SETD2: variants seen among roughly 807,000 people sequenced by gnomAD.
SETD2 encodes histone-lysine N-methyltransferase SETD2.
A neutral mutation model predicts 242.1 loss-of-function variants in SETD2; 31 were observed. The observed-to-expected ratio is 0.13, with a 90% CI of 0.10 to 0.17. SETD2 has a LOEUF of 0.17. Ranked by LOEUF, SETD2 falls within the 10% of genes least tolerant of loss-of-function variation. The pLI, the probability that SETD2 is intolerant of heterozygous loss-of-function variation, is 1.00. For synonymous variants in SETD2, 1,006 were observed against 1,066.5 expected (o/e 0.94, Z 1.11); for missense variants, 2,481 against 3,046.3 (o/e 0.81, Z 4.37).
chr3:47,057,772 T>C (rs556046372), intron 14 of SETD2, among the ~76,000 whole-genome samples: 1 of 152,312 alleles, frequency 6.6e-6, no homozygotes, highest in Non-Finnish European at 1.5e-5. Flanking sequence ...CTATTCTTTA[T>C]AGCTGGGGAC....
intron 13 of SETD2, among the ~76,000 whole-genome samples, chr3:47,064,849 T>A (rs185054038): frequency 3.3e-4 from 50 of 150,436 alleles, no homozygotes; most frequent in Non-Finnish European, 6.5e-4. Context: ...AAGCATTTTC[T>A]TATTTTAGAA....
At chr3:47,149,680 T>C (rs2043938840) in intron 1 of SETD2, among the ~76,000 whole-genome samples, 2 of 152,158 alleles carry the variant, frequency 1.3e-5, no homozygotes, top group Non-Finnish European at 1.5e-5. Context: ...CCCATCCCAG[T>C]AGAAGTCAGA....
At position 47,121,171 on chromosome 3, in the gene SETD2, A is replaced by G. The variant is rs6767907; in HGVS notation, c.3465T>C (p.Asn1155=). The change falls in exon 3 of 21, where the codon AAT becomes AAC. Residue 1155 remains asparagine, a synonymous_variant. Transcript: ENST00000409792. ...GAGGATGAGAAAGTTCAGGCAGGCG[A>G]TTATCTATTTGTTTTCTACTGGACT... The part of the protein sequence containing the change: ...FTQSSRKQID[N]RLPELSHPQS... The G allele has an allele frequency of 0.61, 988,241 of 1,613,356 alleles. 305,165 individuals are homozygous for G. The highest frequency in any genetic ancestry group is 0.76 in the African/African-American group (56,799 of 74,912).
At position 47,120,903 on chromosome 3, in the gene SETD2, G is replaced by A. The variant is rs2107747302; in HGVS notation, c.3733C>T (p.His1245Tyr). 1.2e-6 allele frequency: 2 copies of A among 1,614,206 alleles called. No individual in the cohort carries two copies. Among genetic ancestry groups the A allele is most frequent in the South Asian group, 1.1e-5 (1 of 91,078 alleles). Residue 1245 changes from histidine (H) to tyrosine (Y), a missense_variant, in exon 3 of 21, where the codon CAT becomes TAT. Around this residue, in one of 17 missense-constraint regions of SETD2, gnomAD observed 1,300 missense variants for 1,259.2 expected, o/e 1.03. Transcript: ENST00000409792. ...TCTGATGAGTGCAAGCCATCCACAT[G>A]TGGTATCTCACAAGAGGAAGAAAAA... ...LSFSSSCEIPHVDGLHSSEEL... is the reference protein window; with the variant it reads ...LSFSSSCEIPYVDGLHSSEEL...
At chr3:47,143,163 G>A (rs933191893) in intron 1 of SETD2, among the ~76,000 whole-genome samples, 2 of 152,078 alleles carry the variant, frequency 1.3e-5, no homozygotes, top group Admixed American at 6.6e-5. Context: ...CGTTGGTGAT[G>A]CATGCCTGTA....
At chr3:47,132,256 C>T (rs540165142) in intron 1 of SETD2, among the ~76,000 whole-genome samples, 2 of 151,404 alleles carry the variant, frequency 1.3e-5, no homozygotes, top group South Asian at 4.2e-4. Flanking sequence ...CTTCAGCCTC[C>T]TGAGTAGCTG....
chr3:47,095,708 A>G (rs527453962), intron 9 of SETD2, among the ~76,000 whole-genome samples: 3 of 152,248 alleles, frequency 2.0e-5, no homozygotes, highest in South Asian at 2.1e-4. Flanking sequence ...AATTGGAAAC[A>G]TAAGTATCCA....
At chr3:47,027,035 A>G (rs1030966082) in intron 18 of SETD2, among the ~76,000 whole-genome samples, 2 of 152,168 alleles carry the variant, frequency 1.3e-5, no homozygotes, top group African/African-American at 2.4e-5. Flanking sequence ...AATGCCCACA[A>G]GAGGCAGATC....
Position 47,042,718 on chromosome 3 carries a change from A to G in SETD2, c.7099-18T>C. 1 of 1,582,544 alleles carries G rather than the reference A, an allele frequency of 6.3e-7. No individual in the cohort carries two copies. The highest frequency in any genetic ancestry group is 8.6e-7 in the Non-Finnish European group (1 of 1,165,890). ...ATTTCAGACTACAAAGAAAACACAC[A>G]CATTTTTGATCAGTGATCTCTCTCT... is the stretch of plus-strand genomic sequence containing the variant. On this transcript the variant is annotated intron_variant, in intron 16 of 20. Coordinates refer to ENST00000409792, the MANE Select transcript of SETD2 (RefSeq NM_014159.7).
In SETD2 at chr3:47,016,914, A is replaced by G. The variant is rs2038006579; in HGVS notation, c.*179T>C. ...GCCAACAGCTCACAACTAGGTAATC[A>G]CTTGTAGATGGAGTTCATTTTTGTG... is the stretch of plus-strand genomic sequence containing the variant. On this transcript the variant is annotated 3_prime_UTR_variant, in exon 21 of 21. Coordinates refer to ENST00000409792, the MANE Select transcript of SETD2 (RefSeq NM_014159.7). 12 of 603,232 alleles carry G rather than the reference A, an allele frequency of 2.0e-5. No homozygotes were observed. In the South Asian group the frequency reaches 2.6e-4, roughly 13 times the overall value. 37.4% of individuals were successfully genotyped at this position (603,232 alleles called of 1,614,324 possible).
chr3:47,085,375 T>A (rs983540162), intron 11 of SETD2, among the ~76,000 whole-genome samples: 4 of 152,250 alleles, frequency 2.6e-5, no homozygotes, highest in Non-Finnish European at 5.9e-5. Flanking sequence ...TTAAATGATG[T>A]CTGTCATACA....
intron 12 of SETD2, among the ~76,000 whole-genome samples, chr3:47,078,903 T>C (rs2041212805): frequency 6.6e-6 from 1 of 152,014 alleles, no homozygotes; most frequent in African/African-American, 2.4e-5. Context: ...GCTAATTTTT[T>C]AGTTTTTGTA....
chr3:47,063,956 C>T (rs1164621698), intron 13 of SETD2, among the ~76,000 whole-genome samples: 1 of 150,300 alleles, frequency 6.7e-6, no homozygotes, highest in Non-Finnish European at 1.5e-5. Flanking sequence ...GCATTCCAGC[C>T]TGGGCGACAG....
At chr3:47,062,710 C>T (rs1449097502) in intron 13 of SETD2, among the ~76,000 whole-genome samples, 1 of 152,182 alleles carries the variant, frequency 6.6e-6, no homozygotes, top group East Asian at 1.9e-4. Flanking sequence ...CCTTCAACTA[C>T]CCTATAACTC....
chr3:47,097,931 G>A (rs2107673852), intron 9 of SETD2, 24 bp downstream of exon 9: 2 of 1,608,450 alleles, frequency 1.2e-6, no homozygotes, highest in East Asian at 4.5e-5. Context: ...TATTGTGAAA[G>A]TTGAAAGAAA....
intron 3 of SETD2, among the ~76,000 whole-genome samples, chr3:47,118,884 A>G (rs538682290): frequency 1.3e-5 from 2 of 152,166 alleles, no homozygotes; most frequent in South Asian, 4.1e-4. Context: ...CACAATTCCT[A>G]AAGGGTACTA....
At chr3:47,139,331 A>G (rs552282701) in intron 1 of SETD2, among the ~76,000 whole-genome samples, 1 of 152,232 alleles carries the variant, frequency 6.6e-6, no homozygotes, top group South Asian at 2.1e-4. Context: ...GCCTTTTCCT[A>G]TCCTTTTCTT....
rs1268284582 is a variant in SETD2 at position 47,017,278 on chromosome 3, A to G, written c.7534-24T>C. ...AGCTGTCCAGGGCACAGGAAGAGAG[A>G]CCACAGCCACCAATCAGAGCAGAAA... is the stretch of plus-strand genomic sequence containing the variant. On this transcript the variant is annotated intron_variant, in intron 20 of 20. Transcript: ENST00000409792. The surrounding 1 kb of genome is among the most constrained non-coding windows in gnomAD (Gnocchi z 4.8). The G allele has an allele frequency of 6.2e-7, 1 of 1,612,680 alleles. No homozygotes were observed.
intron 8 of SETD2, among the ~76,000 whole-genome samples, chr3:47,099,140 T>C (rs1404139189): frequency 5.3e-5 from 8 of 152,188 alleles, no homozygotes; most frequent in Non-Finnish European, 1.2e-4. Context: ...TATGAAACAA[T>C]GTGAAGGAGT....
Sources: allele counts gnomAD v4.1 joint callset (sites outside exome capture counted in the v4.1 genomes callset), GRCh38; gene constraint gnomAD v4.1.1; regional missense constraint gnomAD v4.1.1; non-coding constraint Gnocchi (gnomAD v3.1); transcripts MANE v1.5; gene names NCBI Gene and HGNC (gene_info 2026-07-23, HGNC 2026-07-21).